RNF111: variants seen among roughly 807,000 people sequenced by gnomAD.
RNF111 encodes E3 ubiquitin-protein ligase Arkadia.
In RNF111, 17 loss-of-function variants were observed where a neutral mutation model predicts 95.1. The ratio of observed to expected loss-of-function variants is 0.18; its 90% confidence interval spans 0.12 to 0.27. The LOEUF is 0.27. Ranked by LOEUF, RNF111 falls within the 10% of genes least tolerant of loss-of-function variation. The probability of loss-of-function intolerance (pLI) is 1.00; values close to 1 mark genes in which losing one functional copy is unlikely to be tolerated. For missense variants in RNF111, 1,189 were observed against 1,210.4 expected (o/e 0.98, Z 0.26); for synonymous variants, 440 against 414.8 (o/e 1.06, Z -0.74).
intron 2 of RNF111, among the ~76,000 whole-genome samples, chr15:59,040,630 G>A (rs1237284230): frequency 2.0e-5 from 3 of 152,050 alleles, no homozygotes; most frequent in East Asian, 1.9e-4. Context: ...TTGCCTTGTC[G>A]TATATATGCC....
chr15:59,052,416 T>C lies in RNF111; in HGVS notation c.992T>C (p.Val331Ala), dbSNP rs1284647377. 1 of 1,578,472 alleles carries C rather than the reference T, an allele frequency of 6.3e-7. No individual in the cohort carries two copies. Among genetic ancestry groups the C allele is most frequent in the Non-Finnish European group, 8.6e-7 (1 of 1,167,140 alleles). ...GACAGTGAAGTGGAGATTGTAACAG[T>C]TGGAGAAAGCTATCGGTGAGATTTT... Reference protein sequence around the residue: ...STDSEVEIVTVGESYRSRSTL... With the variant: ...STDSEVEIVTAGESYRSRSTL... The change falls in exon 3 of 14, where the codon GTT becomes GCT. Residue 331 changes from valine to alanine, a missense_variant. Val to Ala is a moderately conservative substitution (Grantham distance 64). Coordinates refer to ENST00000348370, the MANE Select transcript of RNF111 (RefSeq NM_017610.8).
At chr15:59,090,217 TTTG>T (rs2079012101) in intron 11 of RNF111, among the ~76,000 whole-genome samples, 2 of 151,886 alleles carry the variant, frequency 1.3e-5, no homozygotes, top group African/African-American at 4.8e-5. Flanking sequence ...TTTTTGTTTG[TTTG>T]TTTGTTTGTT....
At chr15:59,028,781 A>ATTT (rs34725448) in intron 1 of RNF111, among the ~76,000 whole-genome samples, 22 of 147,178 alleles carry the variant, frequency 1.5e-4, no homozygotes, top group Admixed American at 2.0e-4. Flanking sequence ...TTTGTGTTTA[A>ATTT]TTTTTTTTTT....
intron 1 of RNF111, among the ~76,000 whole-genome samples, chr15:58,996,491 G>T (rs1201708363): frequency 6.6e-6 from 1 of 151,864 alleles, no homozygotes; most frequent in African/African-American, 2.4e-5. Flanking sequence ...TGGAGCAGGA[G>T]AATCGCTTGA....
Position 59,074,209 on chromosome 15 carries a change from T to C in RNF111, c.1687-1745T>C, listed in dbSNP as rs2043066078. 3.9e-5 allele frequency among the ~76,000 whole-genome samples: 6 copies of C among 152,338 alleles called. No homozygotes were observed. In the South Asian group the frequency reaches 1.2e-3, roughly 32 times the overall value. On this transcript the variant is annotated intron_variant, in intron 6 of 13. Coordinates refer to ENST00000348370, the MANE Select transcript of RNF111 (RefSeq NM_017610.8). ...TAAATCTTAAGGGCCCTGGGAATTC[T>C]GGAATTGCAAATGAGCATTGGATTT...
intron 5 of RNF111, among the ~76,000 whole-genome samples, chr15:59,061,360 A>G (rs780187629): frequency 1.3e-5 from 2 of 152,050 alleles, no homozygotes; most frequent in African/African-American, 2.4e-5. Flanking sequence ...CATTCAAGCC[A>G]TCTAGCTTCA....
At chr15:59,029,637 A>T (rs1486155097) in intron 1 of RNF111, among the ~76,000 whole-genome samples, 2 of 152,226 alleles carry the variant, frequency 1.3e-5, no homozygotes, top group Admixed American at 1.3e-4. Flanking sequence ...ATACTTGCTT[A>T]CTAAACAGCT....
intron 2 of RNF111, among the ~76,000 whole-genome samples, chr15:59,045,893 CACTTGGGTGCT>C (rs1875170463): frequency 6.6e-6 from 1 of 152,044 alleles, no homozygotes; most frequent in Non-Finnish European, 1.5e-5. Context: ...TTTAAATAGC[CACTTGGGTGCT>C]ACTGTTTTGT....
intron 1 of RNF111, among the ~76,000 whole-genome samples, chr15:58,994,042 T>A: frequency 6.9e-6 from 1 of 145,858 alleles, no homozygotes; most frequent in Non-Finnish European, 1.5e-5. Flanking sequence ...AATTTTTTTT[T>A]TTTTTTTTTT....
At chr15:59,088,225 A>T (rs1350258523) in intron 10 of RNF111, among the ~76,000 whole-genome samples, 1 of 152,166 alleles carries the variant, frequency 6.6e-6, no homozygotes, top group Non-Finnish European at 1.5e-5. Context: ...AGGTGAAGGG[A>T]GGAGTGGGTG....
At chr15:59,029,592 T>A (rs79066476) in intron 1 of RNF111, among the ~76,000 whole-genome samples, 23 of 152,338 alleles carry the variant, frequency 1.5e-4, no homozygotes, top group African/African-American at 5.5e-4. Flanking sequence ...CCTGTAAGAT[T>A]ATATATTTCT....
At position 59,031,566 on chromosome 15, in the gene RNF111, C is replaced by G. The variant is rs750781993; in HGVS notation, c.744C>G (p.Ala248=). ...AAGTGTTAGCTCGAAGAAAATATGCCTTGCTACCTAGTTCTAGTAGTTCCA... is the reference window on the plus strand; with the variant it reads ...AAGTGTTAGCTCGAAGAAAATATGCGTTGCTACCTAGTTCTAGTAGTTCCA... ...KREVLARRKY[A]LLPSSSSSSE... The change falls in exon 2 of 14, where the codon GCC becomes GCG. Residue 248 remains alanine, a synonymous_variant. Coordinates refer to ENST00000348370, the MANE Select transcript of RNF111 (RefSeq NM_017610.8). The G allele has an allele frequency of 1.2e-6, 2 of 1,614,146 alleles. No individual in the cohort carries two copies. The highest frequency in any genetic ancestry group is 1.7e-5 in the Admixed American group (1 of 60,014).
At chr15:59,060,142 G>C (rs1013838628) in intron 5 of RNF111, among the ~76,000 whole-genome samples, 3 of 152,068 alleles carry the variant, frequency 2.0e-5, no homozygotes, top group Non-Finnish European at 4.4e-5. Flanking sequence ...CAAGTAGCTA[G>C]GACTACAGGT....
intron 7 of RNF111, among the ~76,000 whole-genome samples, chr15:59,076,743 T>G (rs1363638663): frequency 6.6e-6 from 1 of 152,228 alleles, no homozygotes; most frequent in African/African-American, 2.4e-5. Flanking sequence ...AAATTGAAAT[T>G]CGTTAGATAT....
intron 5 of RNF111, among the ~76,000 whole-genome samples, chr15:59,059,372 G>A (rs2042337803): frequency 6.6e-6 from 1 of 152,178 alleles, no homozygotes; most frequent in African/African-American, 2.4e-5. Flanking sequence ...CGTTGGCAAG[G>A]ATGTAGAGAA....
In RNF111 at chr15:59,058,773, G is replaced by A. The variant is rs534105999; in HGVS notation, c.1366+223G>A. 3.1e-4 allele frequency: 140 copies of A among 457,002 alleles called. 1 individual carries two copies. Among genetic ancestry groups the A allele is most frequent in the African/African-American group, 2.6e-3 (133 of 51,550 alleles). 28.3% of individuals were successfully genotyped at this position (457,002 alleles called of 1,614,324 possible). ...AGAGTATTATAGCTCAAATAAGAGA[G>A]CTTGGGGAGAAGCAAATGGCTGACA... On this transcript the variant is annotated intron_variant, in intron 5 of 13. Coordinates refer to ENST00000348370, the MANE Select transcript of RNF111 (RefSeq NM_017610.8).
At chr15:59,081,717 C>A (rs938162462) in intron 8 of RNF111, among the ~76,000 whole-genome samples, 2 of 151,998 alleles carry the variant, frequency 1.3e-5, no homozygotes, top group Admixed American at 1.3e-4. Context: ...GACCCTGTGT[C>A]CTTTAACAAC....
At chr15:59,008,263 G>T (rs2039631122) in intron 1 of RNF111, among the ~76,000 whole-genome samples, 1 of 152,144 alleles carries the variant, frequency 6.6e-6, no homozygotes, top group African/African-American at 2.4e-5. Flanking sequence ...TGTTGCCCAG[G>T]CTGCAGTGCA....
intron 6 of RNF111, 32 bp from the exon 7 acceptor site, chr15:59,075,920 TTA>T: frequency 6.2e-7 from 1 of 1,603,412 alleles, no homozygotes; most frequent in South Asian, 1.1e-5. Flanking sequence ...TGACCAAACT[TTA>T]GAAAGATAAA....
Sources: gnomAD v4.1 joint callset for allele counts (sites outside exome capture counted in the v4.1 genomes callset) on GRCh38, gnomAD v4.1.1 for gene constraint, MANE v1.5 for transcripts, NCBI Gene and HGNC (gene_info 2026-07-23, HGNC 2026-07-21) for gene names.